Variants in OXR1 observed in about 807,000 individuals in gnomAD.
OXR1 encodes the protein oxidation resistance 1.
A neutral mutation model predicts 104.6 loss-of-function variants in OXR1; 41 were observed. The ratio of observed to expected loss-of-function variants is 0.39; its 90% confidence interval spans 0.31 to 0.51. OXR1 has a LOEUF of 0.51. Ranked by LOEUF, OXR1 falls within the 20% of genes least tolerant of loss-of-function variation. The pLI is 0.77. For missense variants in OXR1, 955 were observed against 1,031.9 expected, an observed-to-expected ratio of 0.93 and a Z score of 1.02; for synonymous variants, 348 against 348.4, an observed-to-expected ratio of 1.00 and a Z score of 0.01.
chr8:106,351,622 G>A (rs1815729161), intron 1 of OXR1, among the ~76,000 whole-genome samples: 1 of 152,162 alleles, frequency 6.6e-6, no homozygotes. Context: ...GGGTCTCAGT[G>A]AGAGAAGGTG....
At chr8:106,285,831 C>A (rs1812472527) in intron 1 of OXR1, among the ~76,000 whole-genome samples, 1 of 83,654 alleles carries the variant, frequency 1.2e-5, no homozygotes, top group Non-Finnish European at 2.7e-5. Context: ...ACCTTGTTCT[C>A]TAGCAGGTTC....
At chr8:106,603,888 A>G (rs1286488447) in intron 3 of OXR1, among the ~76,000 whole-genome samples, 2 of 152,048 alleles carry the variant, frequency 1.3e-5, no homozygotes, top group Non-Finnish European at 1.5e-5. Flanking sequence ...CCCCCTCTCT[A>G]CTAAAAATAT....
At chr8:106,576,811 T>C (rs1471659057) in intron 3 of OXR1, among the ~76,000 whole-genome samples, 1 of 152,166 alleles carries the variant, frequency 6.6e-6, no homozygotes, top group Non-Finnish European at 1.5e-5. Flanking sequence ...GCTGTGTAAA[T>C]ACTGAAAACA....
intron 3 of OXR1, among the ~76,000 whole-genome samples, chr8:106,623,790 G>A (rs1821923500): frequency 1.3e-5 from 2 of 152,178 alleles, no homozygotes; most frequent in Non-Finnish European, 2.9e-5. Context: ...CCGTAGAATA[G>A]AAATTACAGG....
chr8:106,381,642 A>G (rs1198364449), intron 2 of OXR1, among the ~76,000 whole-genome samples: 1 of 152,158 alleles, frequency 6.6e-6, no homozygotes, highest in Non-Finnish European at 1.5e-5. Flanking sequence ...GTTGACCTCA[A>G]TGAGGTTTCT....
chr8:106,692,179 CA>C (rs1829372836), intron 6 of OXR1, among the ~76,000 whole-genome samples: 2 of 151,830 alleles, frequency 1.3e-5, no homozygotes, highest in African/African-American at 4.8e-5. Context: ...TCAGTAGCAC[CA>C]AAAAAGTTAA....
At chr8:106,553,072 AAG>A (rs1475961398) in intron 3 of OXR1, among the ~76,000 whole-genome samples, 2 of 152,160 alleles carry the variant, frequency 1.3e-5, no homozygotes, top group Non-Finnish European at 2.9e-5. Context: ...TTCTAAACCA[AAG>A]AGAGAAAAAA....
chr8:106,370,395 T>C (rs1164393448), intron 2 of OXR1, among the ~76,000 whole-genome samples: 1 of 152,180 alleles, frequency 6.6e-6, no homozygotes, highest in African/African-American at 2.4e-5. Flanking sequence ...TTTATTTCTT[T>C]CTCTTGCCTG....
chr8:106,431,610 G>C lies in OXR1; in HGVS notation c.23+71974G>C, dbSNP rs546015366. 9.9e-5 allele frequency among the ~76,000 whole-genome samples: 15 copies of C among 152,276 alleles called. No homozygotes were observed. The South Asian group carries it at 3.1e-3, about 32-fold the overall frequency. On this transcript the variant is annotated intron_variant, in intron 2 of 16. Coordinates refer to ENST00000517566, the MANE Select transcript of OXR1 (RefSeq NM_001198533.2). ...ATGTTACGTATCTATTCGTTCGTCT[G>C]TCTTCTTTCTCTCCCAGGATATAAA...
chr8:106,593,950 A>G (rs1819315257), intron 3 of OXR1, among the ~76,000 whole-genome samples: 1 of 152,218 alleles, frequency 6.6e-6, no homozygotes, highest in Admixed American at 6.5e-5. Context: ...ATTGCTTGAT[A>G]GGCTGTGGTT....
intron 1 of OXR1, among the ~76,000 whole-genome samples, chr8:106,333,084 G>A (rs903714695): frequency 2.6e-5 from 4 of 151,838 alleles, no homozygotes; most frequent in Admixed American, 6.6e-5. Context: ...TGGCTATTGC[G>A]AATAACACTT....
At chr8:106,405,681 C>G (rs568567554) in intron 2 of OXR1, among the ~76,000 whole-genome samples, 1 of 152,054 alleles carries the variant, frequency 6.6e-6, no homozygotes, top group East Asian at 1.9e-4. Flanking sequence ...TTGAGTCAAC[C>G]CAGGTATCCC....
intron 2 of OXR1, among the ~76,000 whole-genome samples, chr8:106,437,391 G>T (rs1819621600): frequency 6.6e-6 from 1 of 152,084 alleles, no homozygotes; most frequent in South Asian, 2.1e-4. Context: ...CAAAATAAAG[G>T]ATATTTAGCA....
At position 106,702,964 on chromosome 8, in the gene OXR1, AAAATG is replaced by A; in HGVS notation, c.736_740del (p.Asn246ProfsTer9). The A allele has an allele frequency of 6.2e-7, 1 of 1,613,834 alleles. No homozygotes were observed. Among genetic ancestry groups the A allele is most frequent in the Non-Finnish European group, 8.5e-7 (1 of 1,179,750 alleles). On this transcript the variant is annotated frameshift_variant, in exon 8 of 17. Coordinates refer to ENST00000517566, the MANE Select transcript of OXR1 (RefSeq NM_001198533.2). LOFTEE classifies it high-confidence loss of function. ...AATAATATAATGTTTGATCCACATA[AAAATG>A]ACCCTTTGGTTCAAGAGAATGGCTG... is the stretch of plus-strand genomic sequence containing the variant.
At chr8:106,524,852 A>G (rs1813536168) in intron 3 of OXR1, among the ~76,000 whole-genome samples, 1 of 152,134 alleles carries the variant, frequency 6.6e-6, no homozygotes, top group Admixed American at 6.5e-5. Flanking sequence ...CAAAATGGAG[A>G]AATCTCAGAT....
intron 2 of OXR1, among the ~76,000 whole-genome samples, chr8:106,395,286 T>C (rs951946107): frequency 6.6e-6 from 1 of 152,120 alleles, no homozygotes; most frequent in Non-Finnish European, 1.5e-5. Flanking sequence ...GAGCCATCAA[T>C]ATGCACAAGA....
intron 2 of OXR1, among the ~76,000 whole-genome samples, chr8:106,504,899 C>T (rs1812056743): frequency 6.6e-6 from 1 of 152,138 alleles, no homozygotes; most frequent in African/African-American, 2.4e-5. Context: ...ATTCACTCTC[C>T]ATTTGATTTT....
intron 3 of OXR1, among the ~76,000 whole-genome samples, chr8:106,571,319 A>G (rs962560770): frequency 6.6e-6 from 1 of 152,042 alleles, no homozygotes; most frequent in African/African-American, 2.4e-5. Flanking sequence ...CCTGGCTTGT[A>G]GACAGCTGCT....
intron 3 of OXR1, among the ~76,000 whole-genome samples, chr8:106,587,993 C>T (rs988954169): frequency 6.6e-6 from 1 of 151,778 alleles, no homozygotes; most frequent in African/African-American, 2.4e-5. Context: ...GCTCTGTCAC[C>T]CAGGCTGGAG....
Sources: gnomAD v4.1 joint callset for allele counts (sites outside exome capture counted in the v4.1 genomes callset) on GRCh38, gnomAD v4.1.1 for gene constraint, MANE v1.5 for transcripts, NCBI Gene and HGNC (gene_info 2026-07-23, HGNC 2026-07-21) for gene names.